EPB41L3: variants seen among roughly 807,000 people sequenced by gnomAD.
EPB41L3 encodes the protein erythrocyte membrane protein band 4.1 like 3.
A neutral mutation model predicts 127.1 loss-of-function variants in EPB41L3; 57 were observed. That is an observed-to-expected ratio of 0.45 (90% CI 0.36 to 0.56). EPB41L3 has a LOEUF of 0.56. EPB41L3 is among the 20% of genes least tolerant of loss of function. The probability of loss-of-function intolerance (pLI) is 0.00; values close to 1 mark genes in which losing one functional copy is unlikely to be tolerated. For missense variants in EPB41L3, 1,273 were observed against 1,372.2 expected (o/e 0.93, Z 1.14); for synonymous variants, 572 against 549.5 (o/e 1.04, Z -0.57).
intron 19 of EPB41L3, 97 bp from the exon 20 acceptor site, chr18:5,395,804 C>A (rs922875268): frequency 1.1e-6 from 1 of 892,238 alleles, no homozygotes; most frequent in East Asian, 2.4e-5. Context: ...ATTTCACTAT[C>A]TCCTATTATG....
At chr18:5,407,366 C>T (rs28626448) in intron 15 of EPB41L3, 6,873 of 401,740 alleles carry the variant, frequency 0.017, 385 homozygotes, top group African/African-American at 0.12. Flanking sequence ...CATCACAATA[C>T]GAGCCCACAG....
At chr18:5,470,838 G>A (rs2085997506) in intron 3 of EPB41L3, among the ~76,000 whole-genome samples, 1 of 152,168 alleles carries the variant, frequency 6.6e-6, no homozygotes, top group Non-Finnish European at 1.5e-5. Context: ...CCTGTACTGG[G>A]GTCATGGGGC....
chr18:5,468,092 T>C lies in EPB41L3; in HGVS notation c.381+10149A>G, dbSNP rs1387216177. 2.6e-5 allele frequency among the ~76,000 whole-genome samples: 4 copies of C among 152,184 alleles called. No homozygotes were observed. In the South Asian group the frequency reaches 8.3e-4, roughly 31 times the overall value. Reference sequence around the variant, plus strand: ...CTGTCATGACCCAGGCAGGTGTACATGCACTTGAGGTGGTGCTGACACTCA... The same window carrying C: ...CTGTCATGACCCAGGCAGGTGTACACGCACTTGAGGTGGTGCTGACACTCA... On this transcript the variant is annotated intron_variant, in intron 3 of 22. Coordinates refer to ENST00000341928, the MANE Select transcript of EPB41L3 (RefSeq NM_012307.5).
chr18:5,487,765 T>C (rs2090009851), intron 2 of EPB41L3, among the ~76,000 whole-genome samples: 2 of 150,222 alleles, frequency 1.3e-5, no homozygotes, highest in Admixed American at 1.3e-4. Flanking sequence ...GAGCCCGGCC[T>C]CAAATTTTTA....
intron 11 of EPB41L3, chr18:5,420,089 G>A (rs915788381): frequency 2.1e-6 from 2 of 954,044 alleles, no homozygotes; most frequent in Non-Finnish European, 3.0e-6. Flanking sequence ...ACCTTCATGA[G>A]AGCATGACCT....
rs1470568489 is a variant in EPB41L3, at chr18:5,392,537, C to A, written c.*948G>T. On this transcript the variant is annotated 3_prime_UTR_variant, in exon 23 of 23. Coordinates refer to ENST00000341928, the MANE Select transcript of EPB41L3 (RefSeq NM_012307.5). ...TTTTAATTACAGTGGAAATTCTGTA[C>A]AGTTTAAGGCTTGGCTCTGAACTAG... 1 of 152,524 alleles carries A rather than the reference C, an allele frequency of 6.6e-6. No homozygotes were observed. Among genetic ancestry groups the A allele is most frequent in the Non-Finnish European group, 1.5e-5 (1 of 68,020 alleles). 9.4% of individuals were successfully genotyped at this position (152,524 alleles called of 1,614,324 possible).
chr18:5,531,967 G>A (rs889646996), intron 1 of EPB41L3, among the ~76,000 whole-genome samples: 13 of 152,240 alleles, frequency 8.5e-5, no homozygotes, highest in African/African-American at 2.9e-4. Flanking sequence ...CAAGAAAAAA[G>A]AGTGGTAAGA....
chr18:5,578,573 T>G (rs1238826979), intron 3 of EPB41L3, among the ~76,000 whole-genome samples: 1 of 152,156 alleles, frequency 6.6e-6, no homozygotes, highest in Non-Finnish European at 1.5e-5. Flanking sequence ...GATGACAATC[T>G]TACAGAAAAA....
intron 3 of EPB41L3, among the ~76,000 whole-genome samples, chr18:5,609,261 AAGAAAAGTAT>A (rs1462265078): frequency 6.6e-6 from 1 of 152,208 alleles, no homozygotes; most frequent in African/African-American, 2.4e-5. Flanking sequence ...TAAACCCTTT[AAGAAAAGTAT>A]AGAAGATAAT....
At position 5,621,173 on chromosome 18, in the gene EPB41L3, T is replaced by C. The variant is rs532457432; in HGVS notation, c.-467-6750A>G. Among the ~76,000 whole-genome samples, 9 of 152,264 alleles carry C rather than the reference T, an allele frequency of 5.9e-5. No individual in the cohort carries two copies. In the South Asian group the frequency reaches 1.7e-3, roughly 28 times the overall value. On this transcript the variant is annotated intron_variant, in intron 1 of 21. Coordinates refer to the EPB41L3 transcript ENST00000545076. ...GGGTTTAGTAGCATCCTTTCAGATA[T>C]TTGATGTTAGGCGTCACTGTAGTGG... is the stretch of plus-strand genomic sequence containing the variant.
chr18:5,544,060 A>G (rs2093831056), upstream of EPB41L3: 1 of 985,480 alleles, frequency 1.0e-6, no homozygotes, highest in Non-Finnish European at 1.2e-6. Flanking sequence ...CCCCTGTTGC[A>G]GGAGACACCG....
chr18:5,605,919 A>G (rs2094646398), intron 3 of EPB41L3, among the ~76,000 whole-genome samples: 2 of 152,150 alleles, frequency 1.3e-5, no homozygotes, highest in Non-Finnish European at 2.9e-5. Context: ...AAGACGAAGT[A>G]AGGAGTTGGA....
chr18:5,514,264 C>T (rs986918588), intron 1 of EPB41L3, among the ~76,000 whole-genome samples: 1 of 152,158 alleles, frequency 6.6e-6, no homozygotes, highest in Non-Finnish European at 1.5e-5. Context: ...GTTCATCTTC[C>T]CTTCACAGGA....
chr18:5,610,341 A>G (rs1599302562), intron 3 of EPB41L3: 5 of 974,290 alleles, frequency 5.1e-6, no homozygotes, highest in Non-Finnish European at 6.1e-6. Flanking sequence ...TCTAGAAGCC[A>G]CCCCACTGCC....
At chr18:5,423,577 CAG>C in intron 10 of EPB41L3, 24 bp from the exon 11 acceptor site, 1 of 1,580,088 alleles carries the variant, frequency 6.3e-7, no homozygotes, top group Non-Finnish European at 8.6e-7. Flanking sequence ...AGAAAAACAG[CAG>C]AAAGACTATT....
At chr18:5,580,346 C>G (rs1333698178) in intron 3 of EPB41L3, among the ~76,000 whole-genome samples, 6 of 152,090 alleles carry the variant, frequency 3.9e-5, no homozygotes, top group Non-Finnish European at 8.8e-5. Context: ...GATACATACT[C>G]ATACACATGT....
intron 1 of EPB41L3, among the ~76,000 whole-genome samples, chr18:5,524,745 T>C (rs2093155763): frequency 1.3e-5 from 2 of 152,262 alleles, no homozygotes; most frequent in South Asian, 4.1e-4. Flanking sequence ...TCTCCATCCA[T>C]GGGGAATGTT....
intron 6 of EPB41L3, among the ~76,000 whole-genome samples, chr18:5,436,496 C>T (rs929692810): frequency 4.7e-5 from 7 of 150,504 alleles, no homozygotes; most frequent in African/African-American, 1.7e-4. Flanking sequence ...GCAAGCTCCG[C>T]CTCCCAGGTT....
Position 5,561,054 on chromosome 18 carries a change from T to C in EPB41L3, c.-306+51286A>G, listed in dbSNP as rs1419238704. Among the ~76,000 whole-genome samples the C allele has an allele frequency of 4.1e-5, 6 of 147,170 alleles. No individual in the cohort carries two copies. In the South Asian group the frequency reaches 6.5e-4, roughly 16 times the overall value. On this transcript the variant is annotated intron_variant, in intron 3 of 21. Transcript: ENST00000545076. ...GTGCAGTGGCGCGATCGCGGCTCACTGCAAGCTCCGCCTCCCAGGTTCACG... is the reference window on the plus strand; with the variant it reads ...GTGCAGTGGCGCGATCGCGGCTCACCGCAAGCTCCGCCTCCCAGGTTCACG...
Sources: gnomAD v4.1 joint callset for allele counts (sites outside exome capture counted in the v4.1 genomes callset) on GRCh38, gnomAD v4.1.1 for gene constraint, MANE v1.5 for transcripts, NCBI Gene and HGNC (gene_info 2026-07-23, HGNC 2026-07-21) for gene names.